TRPV3: variants seen among roughly 807,000 people sequenced by gnomAD.
TRPV3 encodes the protein transient receptor potential cation channel subfamily V member 3, also known as VRL-3.
A neutral mutation model predicts 87.1 loss-of-function variants in TRPV3; 88 were observed. The ratio of observed to expected loss-of-function variants is 1.01; its 90% CI spans 0.85 to 1.21. The LOEUF is 1.21. Ranked by LOEUF, TRPV3 falls within the 50% of genes most tolerant of loss-of-function variation. The pLI is 0.00. For synonymous variants in TRPV3, 438 were observed against 423.3 expected, an observed-to-expected ratio of 1.03 and a Z score of -0.43; for missense variants, 1,054 against 1,030.1, an observed-to-expected ratio of 1.02 and a Z score of -0.32.
chr17:3,534,733 G>T (rs1035701255), intron 7 of TRPV3, among the ~76,000 whole-genome samples: 4 of 151,112 alleles, frequency 2.6e-5, no homozygotes, highest in Admixed American at 2.6e-4. Flanking sequence ...TCTCACTCTC[G>T]ACTCCCTGTC....
At position 3,530,123 on chromosome 17, in the gene TRPV3, G is replaced by A. The variant is rs138976192; in HGVS notation, c.1146C>T (p.Tyr382=). ...SLSRKFTDWA[Y]GPVSSSLYDL... is the part of the protein sequence containing the mutation. ...CGTAGAGGGAGGATGACACGGGTCC[G>A]TACGCCCAGTCGGTGAACTTCCTGG... The change falls in exon 9 of 18, where the codon TAC becomes TAT. Residue 382 remains tyrosine, a synonymous_variant. Transcript: ENST00000576742. This position sits in a 1 kb window ranked among gnomAD's most constrained non-coding sequence, Gnocchi z 4.0. The A allele has an allele frequency of 1.8e-5, 29 of 1,613,950 alleles. No homozygotes were observed. The highest frequency in any genetic ancestry group is 9.3e-5 in the African/African-American group (7 of 74,934).
rs893996336 is a variant in TRPV3, at chr17:3,556,233, T to C, written c.-2-1381A>G. Reference sequence around the variant, plus strand: ...TTTATTAAACATAAAAAAGGAGCTATGGCTGACCCCTGGGGGCAGCTGGGA... The same window carrying C: ...TTTATTAAACATAAAAAAGGAGCTACGGCTGACCCCTGGGGGCAGCTGGGA... On this transcript the variant is annotated intron_variant, in intron 1 of 17. Transcript: ENST00000576742. The surrounding 1 kb of genome is among the most constrained non-coding windows in gnomAD (Gnocchi z 4.2). Among the ~76,000 whole-genome samples, 1 of 150,630 alleles carries C rather than the reference T, an allele frequency of 6.6e-6. No individual in the cohort carries two copies. Among genetic ancestry groups the C allele is most frequent in the Non-Finnish European group, 1.5e-5 (1 of 67,746 alleles).
At chr17:3,540,626 A>T (rs1356154315) in intron 6 of TRPV3, among the ~76,000 whole-genome samples, 1 of 152,210 alleles carries the variant, frequency 6.6e-6, no homozygotes, top group Non-Finnish European at 1.5e-5. Flanking sequence ...TAAGCAACAG[A>T]CTTCATCCCT....
chr17:3,520,985 C>T lies in TRPV3; in HGVS notation c.1798G>A (p.Gly600Arg), dbSNP rs2074239859. 2 of 1,604,518 alleles carry T rather than the reference C, an allele frequency of 1.2e-6. No individual in the cohort carries two copies. Among genetic ancestry groups the T allele is most frequent in the Admixed American group, 1.7e-5 (1 of 59,636 alleles). The change falls in exon 14 of 18, where the codon GGA (glycine) becomes AGA (arginine). Residue 600 changes from glycine (G) to arginine (R), a missense_variant. Physicochemically the swap from Gly to Arg is moderately radical, Grantham distance 125. Transcript: ENST00000576742. ...ATAAATCAATTACCTACTCCAAATC[C>T]AAGCAAAAACACGATATATACAAAC... ...FLFVYIVFLL[G>R]FGVALASLIE...
At position 3,537,981 on chromosome 17, in the gene TRPV3, G is replaced by A. The variant is rs988279460; in HGVS notation, c.644-2268C>T. ...TGGGAGGCTGAGGCGGGCAGATCAC[G>A]AGGTCAGGAGATCGAGACCATCCTG... On this transcript the variant is annotated intron_variant, in intron 6 of 17. Transcript: ENST00000576742. Among the ~76,000 whole-genome samples the A allele has an allele frequency of 2.7e-5, 4 of 150,644 alleles. No individual in the cohort carries two copies. The Admixed American group carries it at 2.7e-4, about 10-fold the overall frequency.
In TRPV3 at chr17:3,528,198, C is replaced by A. The variant is rs904271007; in HGVS notation, c.1402-72G>T. On this transcript the variant is annotated intron_variant, in intron 10 of 17. Transcript: ENST00000576742. The surrounding 1 kb of genome is among the most constrained non-coding windows in gnomAD (Gnocchi z 4.2). Reference sequence around the variant, plus strand: ...AGGGCTGGCACCAACTCTAGAGGGACCAAAACCCAGGTGAAACACTCAAGC... The same window carrying A: ...AGGGCTGGCACCAACTCTAGAGGGAACAAAACCCAGGTGAAACACTCAAGC... 11 of 1,188,410 alleles carry A rather than the reference C, an allele frequency of 9.3e-6. No individual in the cohort carries two copies. Among genetic ancestry groups the A allele is most frequent in the Middle Eastern group, 2.0e-4 (1 of 5,048 alleles). The allele number at this position is 1,188,410 out of a possible 1,614,324, so 73.6% of individuals were successfully genotyped here.
chr17:3,536,040 T>A (rs930132059), intron 6 of TRPV3, among the ~76,000 whole-genome samples: 1 of 152,172 alleles, frequency 6.6e-6, no homozygotes, highest in African/African-American at 2.4e-5. Flanking sequence ...GTGCAGGAGC[T>A]GCGGTACCCA....
chr17:3,548,043 A>G (rs1002338586), intron 2 of TRPV3, among the ~76,000 whole-genome samples: 2 of 152,232 alleles, frequency 1.3e-5, no homozygotes, highest in Admixed American at 6.5e-5. Flanking sequence ...CCTGCCCTGC[A>G]GCTGCTACAG....
rs1810047 is a variant in TRPV3 at position 3,530,906 on chromosome 17, A to T, written c.1066-703T>A. Reference sequence around the variant, plus strand: ...TCCTGTCTCTACTAAAAATACAAAAATTAGCTGGGTGTGGTGGCAGGCGCC... The same window carrying T: ...TCCTGTCTCTACTAAAAATACAAAATTTAGCTGGGTGTGGTGGCAGGCGCC... On this transcript the variant is annotated intron_variant, in intron 8 of 17. Coordinates refer to ENST00000576742, the MANE Select transcript of TRPV3 (RefSeq NM_145068.4). The surrounding 1 kb of genome is among the most constrained non-coding windows in gnomAD (Gnocchi z 4.0). Among the ~76,000 whole-genome samples, 40,327 of 151,620 alleles carry T rather than the reference A, an allele frequency of 0.27. 7,357 individuals are homozygous for T. The highest frequency in any genetic ancestry group is 0.52 in the East Asian group (2,688 of 5,138).
chr17:3,550,547 T>C (rs2150807011), intron 2 of TRPV3, among the ~76,000 whole-genome samples: 2 of 108,614 alleles, frequency 1.8e-5, no homozygotes, highest in East Asian at 3.0e-4. Flanking sequence ...TTTTTTGAGA[T>C]GGAGTCTCGC....
intron 2 of TRPV3, among the ~76,000 whole-genome samples, chr17:3,546,967 C>CAAAAAAAAA (rs59021941): frequency 1.6e-5 from 2 of 123,608 alleles, no homozygotes; most frequent in Non-Finnish European, 1.6e-5. Flanking sequence ...GACTCCTTCT[C>CAAAAAAAAA]AAAAAAAAAA....
At position 3,528,653 on chromosome 17, in the gene TRPV3, G is replaced by C. The variant is rs145858804; in HGVS notation, c.1401+184C>G. On this transcript the variant is annotated intron_variant, in intron 10 of 17. Transcript: ENST00000576742. This position sits in a 1 kb window ranked among gnomAD's most constrained non-coding sequence, Gnocchi z 4.2. Reference sequence around the variant, plus strand: ...GTCTGCCCTTGGGACTCGGCACCTGGGGCTTAGCCCAGGCTAAGCACTGAA... The same window carrying C: ...GTCTGCCCTTGGGACTCGGCACCTGCGGCTTAGCCCAGGCTAAGCACTGAA... 2.4e-4 allele frequency among the ~76,000 whole-genome samples: 36 copies of C among 152,282 alleles called. No individual in the cohort carries two copies. The East Asian group carries it at 6.4e-3, about 27-fold the overall frequency.
At chr17:3,526,558 T>C (rs1331780101) in intron 12 of TRPV3, among the ~76,000 whole-genome samples, 1 of 151,814 alleles carries the variant, frequency 6.6e-6, no homozygotes, top group Non-Finnish European at 1.5e-5. Context: ...GCCTTCCACG[T>C]GGGGCTCTGT....
In TRPV3 at chr17:3,553,903, C is replaced by T. The variant is rs138790429; in HGVS notation, c.119+829G>A. On this transcript the variant is annotated intron_variant, in intron 2 of 17. Coordinates refer to ENST00000576742, the MANE Select transcript of TRPV3 (RefSeq NM_145068.4). ...TGGGATACAGGCAGAGGAGGCAGGG[C>T]CACCCCGGGTTCAAGGGACGCACAG... 1,251 of 152,732 alleles carry T rather than the reference C, an allele frequency of 8.2e-3. 10 individuals carry two copies. Among genetic ancestry groups the T allele is most frequent in the Middle Eastern group, 0.034 (10 of 298 alleles). 9.5% of individuals were successfully genotyped at this position (152,732 alleles called of 1,614,324 possible). A position where few individuals can be genotyped will look rare whatever the true frequency, so the allele number is the denominator to read the frequency against.
chr17:3,537,903 A>G (rs1456101432), intron 6 of TRPV3, among the ~76,000 whole-genome samples: 1 of 145,272 alleles, frequency 6.9e-6, no homozygotes, highest in Admixed American at 6.9e-5. Flanking sequence ...AAAAAAAAAA[A>G]AAAAAAAAAG....
Position 3,535,592 on chromosome 17 carries a change from T to A in TRPV3, c.765A>T (p.Gln255His). Residue 255 changes from glutamine (Q) to histidine (H), a missense_variant, in exon 7 of 18, where the codon CAA becomes CAT. Coordinates refer to ENST00000576742, the MANE Select transcript of TRPV3 (RefSeq NM_145068.4). ...ACCCACCGAAGTAGAAGCCTTCGTGTTGGTACTTGGGGTTGAAGAAGGCCC... is the reference window on the plus strand; with the variant it reads ...ACCCACCGAAGTAGAAGCCTTCGTGATGGTACTTGGGGTTGAAGAAGGCCC... ...AKGAFFNPKY[Q>H]HEGFYFGETP... The A allele has an allele frequency of 6.2e-7, 1 of 1,606,176 alleles. No individual in the cohort carries two copies. Among genetic ancestry groups the A allele is most frequent in the Non-Finnish European group, 8.5e-7 (1 of 1,177,294 alleles).
At chr17:3,514,528 G>C (rs1172986017) in intron 17 of TRPV3, 65 bp downstream of exon 17, 2 of 1,211,196 alleles carry the variant, frequency 1.7e-6, no homozygotes, top group South Asian at 2.4e-5. Flanking sequence ...CCTTAGACTT[G>C]ATCTGCCCAA....
In TRPV3 at chr17:3,554,935, T is replaced by A. The variant is rs1280064566; in HGVS notation, c.-2-83A>T. On this transcript the variant is annotated intron_variant, in intron 1 of 17. Transcript: ENST00000576742. ...AGTTTAGGGGCCCCATGTGGCTGCATCCAGCTCCCGTTCACACTACCTGGA... is the reference window on the plus strand; with the variant it reads ...AGTTTAGGGGCCCCATGTGGCTGCAACCAGCTCCCGTTCACACTACCTGGA... 6.3e-6 allele frequency: 5 copies of A among 789,924 alleles called. No individual in the cohort carries two copies. The Admixed American group carries it at 7.0e-5, about 11-fold the overall frequency. 48.9% of individuals were successfully genotyped at this position (789,924 alleles called of 1,614,324 possible). A position where few individuals can be genotyped will look rare whatever the true frequency, so the allele number is the denominator to read the frequency against.
At chr17:3,542,019 C>T (rs897411314) in intron 6 of TRPV3, among the ~76,000 whole-genome samples, 20 of 152,284 alleles carry the variant, frequency 1.3e-4, no homozygotes, top group African/African-American at 3.1e-4. Flanking sequence ...AGTGCAATGG[C>T]GATCTCGGCT....
Sources: gnomAD v4.1 joint callset for allele counts (sites outside exome capture counted in the v4.1 genomes callset) on GRCh38, gnomAD v4.1.1 for gene constraint, Gnocchi (gnomAD v3.1) non-coding constraint, MANE v1.5 for transcripts, NCBI Gene and HGNC (gene_info 2026-07-23, HGNC 2026-07-21) for gene names.